The following CCNY variants were observed in gnomAD, a reference collection of about 807,000 sequenced individuals.
CCNY encodes cyclin Y, also known as cyclin-Y.
CCNY carries 19 observed loss-of-function variants against 42.8 expected under a neutral mutation model. The observed-to-expected ratio is 0.44, with a 90% CI of 0.31 to 0.65. CCNY has a LOEUF of 0.65. Among genes scored for constraint, CCNY ranks in the 30% least tolerant of loss-of-function variants. CCNY has a pLI of 0.07. For missense variants in CCNY, 370 were observed against 437.3 expected (o/e 0.85, Z 1.37); for synonymous variants, 165 against 162.7 (o/e 1.01, Z -0.11).
intron 3 of CCNY, among the ~76,000 whole-genome samples, chr10:35,330,993 C>G (rs1230439013): frequency 6.6e-6 from 1 of 152,228 alleles, no homozygotes; most frequent in African/African-American, 2.4e-5. Flanking sequence ...CTCTCGACCT[C>G]AGGTGATCCA....
At chr10:35,499,154 ATT>A (rs1840060837) in intron 2 of CCNY, among the ~76,000 whole-genome samples, 1 of 151,526 alleles carries the variant, frequency 6.6e-6, no homozygotes, top group African/African-American at 2.4e-5. Context: ...AAGCTTTTGT[ATT>A]AGTATGTTTT....
At chr10:35,421,350 C>T (rs1297965462) in intron 1 of CCNY, among the ~76,000 whole-genome samples, 1 of 152,134 alleles carries the variant, frequency 6.6e-6, no homozygotes, top group Non-Finnish European at 1.5e-5. Context: ...TGCTTGGCAC[C>T]ACTCTCTCTC....
chr10:35,545,185 C>T (rs1438210524), intron 7 of CCNY, among the ~76,000 whole-genome samples: 2 of 152,152 alleles, frequency 1.3e-5, no homozygotes, highest in African/African-American at 4.8e-5. Flanking sequence ...CCAAGCCAAA[C>T]GAAACCTGTC....
chr10:35,538,040 C>G (rs2135432116), intron 7 of CCNY, among the ~76,000 whole-genome samples: 1 of 152,188 alleles, frequency 6.6e-6, no homozygotes, highest in African/African-American at 2.4e-5. Flanking sequence ...CCATACTGTT[C>G]TCATGGTAGT....
intron 8 of CCNY, among the ~76,000 whole-genome samples, chr10:35,565,027 G>A (rs188014757): frequency 6.2e-4 from 95 of 152,190 alleles, no homozygotes; most frequent in Non-Finnish European, 1.0e-3. Flanking sequence ...TGGGGAGAAC[G>A]TGCTGAATCT....
chr10:35,407,330 G>T (rs1206316389), intron 1 of CCNY, among the ~76,000 whole-genome samples: 1 of 151,996 alleles, frequency 6.6e-6, no homozygotes, highest in Non-Finnish European at 1.5e-5. Context: ...TGGGGAGGAG[G>T]GGAGAGAGGT....
At chr10:35,405,580 T>C (rs7914713) in intron 1 of CCNY, among the ~76,000 whole-genome samples, 40 of 151,910 alleles carry the variant, frequency 2.6e-4, no homozygotes, top group Non-Finnish European at 5.4e-4. Context: ...TTTTAAGGGG[T>C]TTAGAAGCCT....
chr10:35,471,485 G>A (rs547860518), intron 1 of CCNY, among the ~76,000 whole-genome samples: 9 of 152,304 alleles, frequency 5.9e-5, no homozygotes, highest in African/African-American at 2.2e-4. Context: ...GCCAAGATGA[G>A]CAATTGTGGA....
chr10:35,505,414 A>G (rs1249413071), intron 3 of CCNY, among the ~76,000 whole-genome samples: 1 of 152,222 alleles, frequency 6.6e-6, no homozygotes, highest in Non-Finnish European at 1.5e-5. Flanking sequence ...AAAAAAAAAA[A>G]AACCAAAGCA....
At chr10:35,556,417 G>C (rs1443251273) in intron 8 of CCNY, among the ~76,000 whole-genome samples, 2 of 152,160 alleles carry the variant, frequency 1.3e-5, no homozygotes, top group African/African-American at 4.8e-5. Context: ...CTGAGTCCTT[G>C]CGTGTTCAGA....
intron 1 of CCNY, among the ~76,000 whole-genome samples, chr10:35,430,698 G>T (rs1052528207): frequency 6.6e-6 from 1 of 152,168 alleles, no homozygotes; most frequent in African/African-American, 2.4e-5. Context: ...AAATTTAACA[G>T]AATTTAATAA....
chr10:35,437,500 G>A (rs1345177468), intron 1 of CCNY, among the ~76,000 whole-genome samples: 2 of 151,920 alleles, frequency 1.3e-5, no homozygotes, highest in Admixed American at 6.6e-5. Flanking sequence ...CAAAAAATAC[G>A]AAAATTAACC....
intron 1 of CCNY, among the ~76,000 whole-genome samples, chr10:35,354,130 A>G (rs1222590479): frequency 1.3e-5 from 2 of 151,974 alleles, no homozygotes; most frequent in East Asian, 3.9e-4. Context: ...CAAGTGATCC[A>G]AGAGAGAGCA....
rs574489208 is a variant in CCNY at position 35,286,610 on chromosome 10, C to T, written c.-9+35984C>T. On this transcript the variant is annotated intron_variant, in intron 3 of 11. Coordinates refer to the CCNY transcript ENST00000374706. ...ACCTCAGGTGATCTGCCTGCCTCGG[C>T]GTCCCAAAGTGCTGGGATTACAGGC... Among the ~76,000 whole-genome samples the T allele has an allele frequency of 1.0e-4, 15 of 150,724 alleles. 1 individual carries two copies. The South Asian group carries it at 1.7e-3, about 17-fold the overall frequency.
intron 8 of CCNY, among the ~76,000 whole-genome samples, chr10:35,565,032 G>A (rs1421227274): frequency 6.6e-6 from 1 of 152,180 alleles, no homozygotes; most frequent in African/African-American, 2.4e-5. Flanking sequence ...AGAACGTGCT[G>A]AATCTGAGTG....
At chr10:35,306,822 G>A (rs1251977165) in intron 3 of CCNY, among the ~76,000 whole-genome samples, 3 of 152,058 alleles carry the variant, frequency 2.0e-5, no homozygotes, top group African/African-American at 4.8e-5. Context: ...TTTTTAGGAC[G>A]CTCTTTAAAG....
intron 1 of CCNY, among the ~76,000 whole-genome samples, chr10:35,448,845 G>T (rs1032430991): frequency 6.6e-6 from 1 of 152,114 alleles, no homozygotes; most frequent in Non-Finnish European, 1.5e-5. Flanking sequence ...TGCAGTTTTG[G>T]CAGGATTCCT....
chr10:35,298,045 A>G (rs1045208289), intron 3 of CCNY, among the ~76,000 whole-genome samples: 3 of 152,140 alleles, frequency 2.0e-5, no homozygotes, highest in African/African-American at 7.2e-5. Context: ...AGGGAATTCT[A>G]AGCAAAAAGA....
chr10:35,388,256 G>C (rs910852228), intron 1 of CCNY, among the ~76,000 whole-genome samples: 1 of 152,248 alleles, frequency 6.6e-6, no homozygotes, highest in African/African-American at 2.4e-5. Flanking sequence ...TATTTGTAGA[G>C]TGTTGGCTGA....
Sources: allele counts gnomAD v4.1 joint callset (sites outside exome capture counted in the v4.1 genomes callset), GRCh38; gene constraint gnomAD v4.1.1; transcripts MANE v1.5; gene names NCBI Gene and HGNC (gene_info 2026-07-23, HGNC 2026-07-21).